The following ADGB variants were observed in gnomAD, a reference collection of about 807,000 sequenced individuals.
The protein encoded by ADGB is androglobin.
A neutral mutation model predicts 210.5 loss-of-function variants in ADGB; 172 were observed. That is an observed-to-expected ratio of 0.82 (90% CI 0.72 to 0.93). ADGB has a LOEUF of 0.93. ADGB is among the 40% of genes least tolerant of loss of function. The probability of loss-of-function intolerance (pLI) is 0.00; values close to 1 mark genes in which losing one functional copy is unlikely to be tolerated. For synonymous variants in ADGB, 658 were observed against 662.7 expected (o/e 0.99, Z 0.11); for missense variants, 2,025 against 1,964.8 (o/e 1.03, Z -0.58).
chr6:146,706,036 T>A (rs1486620749), intron 13 of ADGB, among the ~76,000 whole-genome samples: 2 of 151,492 alleles, frequency 1.3e-5, no homozygotes, highest in Non-Finnish European at 1.5e-5. Flanking sequence ...GCAGTCTTCC[T>A]GCCTTACCCT....
At chr6:146,769,259 T>TAATAAA in intron 29 of ADGB, 128 bp downstream of exon 29, 1 of 506,774 alleles carries the variant, frequency 2.0e-6, no homozygotes, top group Non-Finnish European at 3.6e-6. Flanking sequence ...TTATAATTTG[T>TAATAAA]ACTCTATATC....
intron 2 of ADGB, among the ~76,000 whole-genome samples, chr6:146,637,755 C>T (rs1775445784): frequency 6.6e-6 from 1 of 151,976 alleles, no homozygotes; most frequent in Non-Finnish European, 1.5e-5. Context: ...AATTTTTATA[C>T]TCAGTGTATA....
chr6:146,661,179 AG>A (rs1775849884), intron 5 of ADGB, among the ~76,000 whole-genome samples: 1 of 144,230 alleles, frequency 6.9e-6, no homozygotes, highest in Non-Finnish European at 1.5e-5. Context: ...TTTCTAATAT[AG>A]CTTTCTTTTC....
chr6:146,708,865 G>A (rs1291673351), intron 13 of ADGB, among the ~76,000 whole-genome samples: 1 of 151,834 alleles, frequency 6.6e-6, no homozygotes, highest in East Asian at 1.9e-4. Flanking sequence ...TTTTGATATT[G>A]CCCCATAAAC....
chr6:146,642,614 A>C (rs962852517), intron 2 of ADGB, among the ~76,000 whole-genome samples: 1 of 152,018 alleles, frequency 6.6e-6, no homozygotes, highest in African/African-American at 2.4e-5. Flanking sequence ...TTGCGGGAAC[A>C]TGGATGGAGC....
Position 146,724,200 on chromosome 6 carries a change from A to G in ADGB, c.2110A>G (p.Ser704Gly). The G allele has an allele frequency of 6.5e-7, 1 of 1,547,916 alleles. No individual in the cohort carries two copies. The highest frequency in any genetic ancestry group is 8.7e-7 in the Non-Finnish European group (1 of 1,145,870). The stretch of plus-strand genomic sequence containing the variant: ...TTATCTTAAAGCCTTAACAAAAGAC[A>G]GTCCTCCCATAGAGCCTGGACTTCT... ...WGEYGALTKD[S>G]PPIEPGLLTA... The change falls in exon 18 of 36, where the codon AGT becomes GGT. Residue 704 changes from serine to glycine, a missense_variant. Physicochemically the swap from Ser to Gly is moderately conservative, Grantham distance 56 (BLOSUM62 0). Coordinates refer to ENST00000397944, the MANE Select transcript of ADGB (RefSeq NM_024694.4).
intron 35 of ADGB, among the ~76,000 whole-genome samples, chr6:146,811,929 C>T (rs1195817840): frequency 6.6e-6 from 1 of 152,164 alleles, no homozygotes; most frequent in Non-Finnish European, 1.5e-5. Flanking sequence ...CTGCCTTGGC[C>T]TCCCAAAGTG....
chr6:146,716,801 T>G, intron 14 of ADGB, 82 bp from the exon 15 acceptor site: 12 of 1,319,562 alleles, frequency 9.1e-6, no homozygotes, highest in Non-Finnish European at 1.2e-5. Flanking sequence ...CTTTGATATT[T>G]AAGTTTCCCT....
rs914471581 is a variant in ADGB, at chr6:146,752,578, C to T, written c.3414C>T (p.Arg1138=). 6.4e-7 allele frequency: 1 copy of T among 1,550,424 alleles called. No individual in the cohort carries two copies. The highest frequency in any genetic ancestry group is 8.7e-7 in the Non-Finnish European group (1 of 1,146,308). ...LTPQPATIQV[R]TSKPDAFIKL... ...CACAACCTGCTACAATACAGGTACG[C>T]ACATCCAAACCAGATGCATTCATCA... is the stretch of plus-strand genomic sequence containing the variant. Residue 1138 remains arginine (R), a synonymous_variant, in exon 27 of 36, where the codon CGC becomes CGT. Coordinates refer to ENST00000397944, the MANE Select transcript of ADGB (RefSeq NM_024694.4).
intron 12 of ADGB, among the ~76,000 whole-genome samples, chr6:146,695,068 T>C (rs796809528): frequency 1.3e-5 from 2 of 152,330 alleles, no homozygotes; most frequent in Admixed American, 6.5e-5. Flanking sequence ...GGATGAATCA[T>C]ACTTAGCATT....
At chr6:146,683,157 A>G (rs1776180280) in intron 9 of ADGB, among the ~76,000 whole-genome samples, 1 of 152,092 alleles carries the variant, frequency 6.6e-6, no homozygotes, top group African/African-American at 2.4e-5. Context: ...CAGCACCTTG[A>G]TCTTGGACTT....
chr6:146,797,209 G>C (rs893159940), intron 33 of ADGB, among the ~76,000 whole-genome samples: 1 of 152,094 alleles, frequency 6.6e-6, no homozygotes, highest in African/African-American at 2.4e-5. Flanking sequence ...AGATCTGGGT[G>C]TGGGCATGAT....
chr6:146,801,998 A>G lies in ADGB; in HGVS notation c.4805A>G (p.Tyr1602Cys). Residue 1602 changes from tyrosine (Y) to cysteine (C), a missense_variant, in exon 35 of 36, where the codon TAT becomes TGT. Coordinates refer to ENST00000397944, the MANE Select transcript of ADGB (RefSeq NM_024694.4). The part of the protein sequence containing the change: ...LKLKDEVLDM[Y>C]KEMQDSLDEA... The stretch of plus-strand genomic sequence containing the variant: ...TTAAAGGATGAAGTCCTGGATATGT[A>G]TAAGGAAATGCAGGTGAGTCTAAAA... 1.3e-6 allele frequency: 2 copies of G among 1,543,684 alleles called. No individual in the cohort carries two copies. Among genetic ancestry groups the G allele is most frequent in the South Asian group, 1.2e-5 (1 of 81,972 alleles).
chr6:146,722,700 A>G (rs1776838968), intron 17 of ADGB, among the ~76,000 whole-genome samples: 1 of 152,170 alleles, frequency 6.6e-6, no homozygotes. Context: ...ACTCTCACTC[A>G]TGTTCAGATG....
At chr6:146,612,700 A>G (rs1780729010) in intron 1 of ADGB, among the ~76,000 whole-genome samples, 1 of 152,130 alleles carries the variant, frequency 6.6e-6, no homozygotes, top group South Asian at 2.1e-4. Context: ...AAGCTTTGTC[A>G]TCTACCATTT....
chr6:146,608,045 T>C (rs940805901), intron 1 of ADGB, among the ~76,000 whole-genome samples: 1 of 152,128 alleles, frequency 6.6e-6, no homozygotes. Context: ...TTCTGGTTGG[T>C]AGGTTTTTTT....
At chr6:146,699,106 A>G (rs1776451300) in intron 12 of ADGB, among the ~76,000 whole-genome samples, 1 of 152,144 alleles carries the variant, frequency 6.6e-6, no homozygotes, top group Admixed American at 6.6e-5. Flanking sequence ...AGACTGAATT[A>G]ATGCGGAATA....
At chr6:146,668,632 T>A (rs1389504289) in intron 7 of ADGB, among the ~76,000 whole-genome samples, 1 of 152,090 alleles carries the variant, frequency 6.6e-6, no homozygotes. Context: ...TTATACTTAG[T>A]GTTGATGGAA....
intron 10 of ADGB, among the ~76,000 whole-genome samples, chr6:146,687,624 A>G (rs1394511686): frequency 2.0e-5 from 3 of 151,850 alleles, no homozygotes; most frequent in Non-Finnish European, 4.4e-5. Context: ...GAGGGGAACA[A>G]CACACAACAG....
Sources: allele counts gnomAD v4.1 joint callset (sites outside exome capture counted in the v4.1 genomes callset), GRCh38; gene constraint gnomAD v4.1.1; transcripts MANE v1.5; gene names NCBI Gene and HGNC (gene_info 2026-07-23, HGNC 2026-07-21).